The following SLC26A8 variants were observed in gnomAD, a reference collection of about 807,000 sequenced individuals.
SLC26A8 encodes the protein solute carrier family 26 member 8.
Under a neutral mutation model 105.0 loss-of-function variants are expected in SLC26A8, and 70 were observed. The observed-to-expected ratio is 0.67, with a 90% CI of 0.55 to 0.81. The LOEUF is 0.81. SLC26A8 is among the 40% of genes least tolerant of loss of function. The pLI is 0.00. For missense variants in SLC26A8, 998 were observed against 1,181.8 expected, an observed-to-expected ratio of 0.84 and a Z score of 2.28; for synonymous variants, 415 against 438.3, an observed-to-expected ratio of 0.95 and a Z score of 0.66.
At chr6:36,024,247 T>A in intron 1 of SLC26A8, 1 of 318,400 alleles carries the variant, frequency 3.1e-6, no homozygotes, top group Non-Finnish European at 6.2e-6. Context: ...CAGGAGAATT[T>A]GAAAGGATGC....
In SLC26A8 at chr6:36,024,605, C is replaced by G. The variant is rs760749767; in HGVS notation, c.-104G>C. 3.5e-5 allele frequency: 13 copies of G among 370,314 alleles called. No homozygotes were observed. The highest frequency in any genetic ancestry group is 2.6e-4 in the South Asian group (13 of 50,140). The allele number at this position is 370,314 out of a possible 1,614,324, so 22.9% of individuals were successfully genotyped here. On this transcript the variant is annotated 5_prime_UTR_variant, in exon 1 of 20. Coordinates refer to ENST00000490799, the MANE Select transcript of SLC26A8 (RefSeq NM_052961.4). ...GCGGATACCGGCGGCGGTTCCCGAG[C>G]CGTTGTGGCCTAGCCCGCGGGCGTT...
intron 16 of SLC26A8, among the ~76,000 whole-genome samples, chr6:35,958,396 G>T (rs932565836): frequency 2.6e-5 from 4 of 152,182 alleles, no homozygotes; most frequent in African/African-American, 9.6e-5. Flanking sequence ...GCTACTTGGG[G>T]CTGTTAGAAT....
intron 2 of SLC26A8, among the ~76,000 whole-genome samples, chr6:36,016,564 A>C (rs1166211761): frequency 6.6e-6 from 1 of 152,200 alleles, no homozygotes; most frequent in Non-Finnish European, 1.5e-5. Context: ...AAATTATGGT[A>C]GTTATTAGAC....
intron 3 of SLC26A8, among the ~76,000 whole-genome samples, chr6:36,009,241 C>T (rs1289650586): frequency 6.6e-6 from 1 of 152,118 alleles, no homozygotes; most frequent in Non-Finnish European, 1.5e-5. Context: ...ATCCCAGCTA[C>T]TCAGGAGGCT....
intron 2 of SLC26A8, among the ~76,000 whole-genome samples, chr6:36,012,904 T>C (rs1042102773): frequency 6.6e-6 from 1 of 152,188 alleles, no homozygotes; most frequent in Non-Finnish European, 1.5e-5. Flanking sequence ...TATTCCCAAT[T>C]AGGAGAGTCC....
intron 7 of SLC26A8, among the ~76,000 whole-genome samples, chr6:35,985,692 C>CAA (rs58199602): frequency 0.011 from 496 of 46,882 alleles, 26 homozygotes; most frequent in Middle Eastern, 0.042. Flanking sequence ...GACTCCGTCT[C>CAA]AAAAAAAAAA....
At chr6:35,959,279 C>CTT (rs1029575277) in intron 16 of SLC26A8, among the ~76,000 whole-genome samples, 181 bp downstream of exon 16, 3 of 147,616 alleles carry the variant, frequency 2.0e-5, no homozygotes, top group Non-Finnish European at 4.5e-5. Flanking sequence ...AATCTTGTGC[C>CTT]TTTTTTTTTT....
chr6:35,968,606 T>A (rs866456547), intron 11 of SLC26A8, among the ~76,000 whole-genome samples: 3,546 of 30,010 alleles, frequency 0.12, 231 homozygotes, highest in Non-Finnish European at 0.14. Context: ...TGTGTGTGTG[T>A]GTGTATATAT....
At chr6:35,998,513 C>T (rs575620480) in intron 4 of SLC26A8, among the ~76,000 whole-genome samples, 12 of 148,688 alleles carry the variant, frequency 8.1e-5, no homozygotes, top group African/African-American at 1.5e-4. Flanking sequence ...CGAGATGGCA[C>T]GATTGCACTC....
At chr6:36,012,440 G>C in intron 2 of SLC26A8, 68 bp from the exon 3 acceptor site, 1 of 1,510,336 alleles carries the variant, frequency 6.6e-7, no homozygotes, top group Non-Finnish European at 8.8e-7. Flanking sequence ...CCAAGAAAAG[G>C]CATTTGGCCC....
intron 5 of SLC26A8, among the ~76,000 whole-genome samples, chr6:35,996,975 C>T (rs148519717): frequency 4.7e-4 from 72 of 151,832 alleles, no homozygotes; most frequent in African/African-American, 1.7e-3. Context: ...GCGGAGATTG[C>T]AGTGAGCCAC....
intron 7 of SLC26A8, among the ~76,000 whole-genome samples, chr6:35,990,973 T>C (rs374776210): frequency 3.9e-5 from 6 of 152,342 alleles, no homozygotes; most frequent in African/African-American, 9.6e-5. Flanking sequence ...ATAAGCATTG[T>C]GTGAGGGAGA....
chr6:35,955,612 C>T (rs574805837), intron 16 of SLC26A8, 92 bp from the exon 17 acceptor site: 73 of 1,488,306 alleles, frequency 4.9e-5, no homozygotes, highest in Non-Finnish European at 6.3e-5. Context: ...TCTGCCAGCT[C>T]ATGTCCCTCT....
At chr6:35,975,262 A>G (rs1772959370) in intron 10 of SLC26A8, 113 bp downstream of exon 10, 1 of 494,784 alleles carries the variant, frequency 2.0e-6, no homozygotes, top group Admixed American at 3.7e-5. Flanking sequence ...CCCATTAAGC[A>G]TAGCATTAAA....
rs775225736 is a variant in SLC26A8 at position 35,951,264 on chromosome 6, C to T, written c.2371G>A (p.Ala791Thr). The part of the protein sequence containing the change: ...KTQLFLSVHD[A>T]VLFALSRKVI... ...TTCCTTGACAAGGCAAACAGCACGG[C>T]GTCGTGAACGCTGAGGAACAGCTGG... is the stretch of plus-strand genomic sequence containing the variant. Residue 791 changes from alanine (A) to threonine (T), a missense_variant, in exon 19 of 20, where the codon GCC (alanine) becomes ACC (threonine). Coordinates refer to ENST00000490799, the MANE Select transcript of SLC26A8 (RefSeq NM_052961.4). The T allele has an allele frequency of 7.4e-6, 12 of 1,613,978 alleles. No homozygotes were observed. The highest frequency in any genetic ancestry group is 1.0e-5 in the Non-Finnish European group (12 of 1,180,038).
chr6:35,987,587 G>C (rs566834462), intron 7 of SLC26A8, among the ~76,000 whole-genome samples: 46 of 152,206 alleles, frequency 3.0e-4, no homozygotes, highest in African/African-American at 1.1e-3. Context: ...TAGCCAGGAT[G>C]GTCTCAATCT....
chr6:36,022,052 C>T (rs1266951177), intron 1 of SLC26A8, among the ~76,000 whole-genome samples: 2 of 152,076 alleles, frequency 1.3e-5, no homozygotes, highest in Non-Finnish European at 2.9e-5. Flanking sequence ...ACTGCAACCT[C>T]CACCTCCCAG....
At chr6:36,018,156 G>A (rs1055381127) in intron 2 of SLC26A8, among the ~76,000 whole-genome samples, 4 of 152,228 alleles carry the variant, frequency 2.6e-5, no homozygotes, top group Admixed American at 1.3e-4. Context: ...GATTTATGAT[G>A]TGATTCAACA....
At chr6:35,985,423 G>A (rs557153279) in intron 7 of SLC26A8, among the ~76,000 whole-genome samples, 14 of 152,188 alleles carry the variant, frequency 9.2e-5, no homozygotes, top group African/African-American at 3.4e-4. Flanking sequence ...GGCTGGGCAT[G>A]GTGGCTCATG....
Sources: allele counts gnomAD v4.1 joint callset (sites outside exome capture counted in the v4.1 genomes callset), GRCh38; gene constraint gnomAD v4.1.1; transcripts MANE v1.5; gene names NCBI Gene and HGNC (gene_info 2026-07-23, HGNC 2026-07-21).